The following PLXNA4 variants were observed in gnomAD, a reference collection of about 807,000 sequenced individuals.
PLXNA4 encodes plexin A4.
PLXNA4 carries 44 observed loss-of-function variants against 191.8 expected under a neutral mutation model. That is an observed-to-expected ratio of 0.23 (90% CI 0.18 to 0.29). PLXNA4 has a LOEUF of 0.29. PLXNA4 is among the 10% of genes least tolerant of loss of function. The pLI, the probability that PLXNA4 is intolerant of heterozygous loss-of-function variation, is 1.00. For missense variants in PLXNA4, 1,800 were observed against 2,488.8 expected (o/e 0.72, Z 5.89); for synonymous variants, 1,082 against 1,009.5 (o/e 1.07, Z -1.36).
At chr7:132,326,171 T>C (rs1802349801) in intron 3 of PLXNA4, among the ~76,000 whole-genome samples, 1 of 152,134 alleles carries the variant, frequency 6.6e-6, no homozygotes, top group African/African-American at 2.4e-5. Context: ...GAATTCCCTG[T>C]CTCTGCCTGC....
At chr7:132,254,837 A>C (rs1362752682) in intron 4 of PLXNA4, among the ~76,000 whole-genome samples, 2 of 152,166 alleles carry the variant, frequency 1.3e-5, no homozygotes, top group African/African-American at 2.4e-5. Context: ...ATATCCGACT[A>C]AGGCTCAGAA....
At chr7:132,640,227 T>C (rs767695213) in intron 2 of PLXNA4, among the ~76,000 whole-genome samples, 1 of 152,136 alleles carries the variant, frequency 6.6e-6, no homozygotes, top group South Asian at 2.1e-4. Context: ...GGTGCTGGGG[T>C]ACACAGTGAC....
intron 14 of PLXNA4, among the ~76,000 whole-genome samples, chr7:132,189,754 G>A (rs1797030463): frequency 6.6e-6 from 1 of 152,102 alleles, no homozygotes; most frequent in African/African-American, 2.4e-5. Context: ...TGGGGGTTCT[G>A]TCCCTTCTCA....
At chr7:132,576,684 C>A (rs1261487492), upstream of PLXNA4, 2 of 797,000 alleles carry the variant, frequency 2.5e-6, no homozygotes, top group East Asian at 1.3e-4. This position sits in a 1 kb window ranked among gnomAD's most constrained non-coding sequence, Gnocchi z 5.8. Context: ...TAATGTCCAA[C>A]AAAAAGGTCG....
At chr7:132,635,365 T>A (rs534366215) in intron 2 of PLXNA4, among the ~76,000 whole-genome samples, 2 of 151,982 alleles carry the variant, frequency 1.3e-5, no homozygotes, top group Non-Finnish European at 1.5e-5. Flanking sequence ...AGAACTTGAA[T>A]AGATTTTTTG....
intron 2 of PLXNA4, among the ~76,000 whole-genome samples, chr7:132,605,712 G>T (rs1802910560): frequency 6.8e-6 from 1 of 147,328 alleles, no homozygotes; most frequent in South Asian, 2.2e-4. Flanking sequence ...ATTTGGAAAT[G>T]AGGCTTTGCA....
chr7:132,356,829 T>A, intron 3 of PLXNA4, among the ~76,000 whole-genome samples: 1 of 152,196 alleles, frequency 6.6e-6, no homozygotes, highest in South Asian at 2.1e-4. Context: ...TAAGAGCTAT[T>A]CCTCTCCATG....
intron 9 of PLXNA4, among the ~76,000 whole-genome samples, chr7:132,217,441 C>T (rs1313189741): frequency 6.6e-6 from 1 of 152,054 alleles, no homozygotes; most frequent in Non-Finnish European, 1.5e-5. Flanking sequence ...GGCTTTAATT[C>T]TCCTATTGTT....
chr7:132,472,755 C>T (rs1487505453), intron 3 of PLXNA4, among the ~76,000 whole-genome samples: 2 of 152,152 alleles, frequency 1.3e-5, no homozygotes, highest in Non-Finnish European at 2.9e-5. Flanking sequence ...GGCACAGGGC[C>T]CCTCTCTCAG....
intron 3 of PLXNA4, among the ~76,000 whole-genome samples, chr7:132,358,267 A>C (rs754929227): frequency 9.2e-5 from 14 of 152,252 alleles, no homozygotes; most frequent in Non-Finnish European, 1.3e-4. Context: ...AGCATGTGTG[A>C]CTCAGGTTTC....
At chr7:132,563,933 CGT>C (rs1491495779) in intron 1 of PLXNA4, among the ~76,000 whole-genome samples, 4 of 113,634 alleles carry the variant, frequency 3.5e-5, no homozygotes, top group Admixed American at 1.7e-4. Context: ...TCCTTTTCCT[CGT>C]CCTCCTCCTC....
intron 10 of PLXNA4, among the ~76,000 whole-genome samples, chr7:132,207,977 T>G (rs913791563): frequency 1.3e-5 from 2 of 152,242 alleles, no homozygotes; most frequent in Non-Finnish European, 2.9e-5. Flanking sequence ...AGATGGTCAC[T>G]TGCCCTCTCT....
At chr7:132,243,294 T>A (rs992573736) in intron 4 of PLXNA4, among the ~76,000 whole-genome samples, 1 of 152,194 alleles carries the variant, frequency 6.6e-6, no homozygotes, top group African/African-American at 2.4e-5. Flanking sequence ...ATATTTTGCA[T>A]AGGCTTAAAC....
At chr7:132,437,273 T>C (rs1037750821) in intron 3 of PLXNA4, among the ~76,000 whole-genome samples, 2 of 152,176 alleles carry the variant, frequency 1.3e-5, no homozygotes, top group South Asian at 4.1e-4. Context: ...CATAGGAAGA[T>C]CCTGAAAAGT....
chr7:132,234,056 A>G (rs569023764), intron 5 of PLXNA4, among the ~76,000 whole-genome samples: 9 of 152,228 alleles, frequency 5.9e-5, no homozygotes, highest in Middle Eastern at 3.4e-3. Flanking sequence ...GTTAGGAAAG[A>G]ACAGGTGTGG....
intron 3 of PLXNA4, among the ~76,000 whole-genome samples, chr7:132,432,992 A>C (rs1294675215): frequency 6.6e-6 from 1 of 152,194 alleles, no homozygotes; most frequent in African/African-American, 2.4e-5. Flanking sequence ...GTTTCTCATT[A>C]TACTTACATT....
chr7:132,558,268 C>A (rs1401730891), intron 1 of PLXNA4, among the ~76,000 whole-genome samples: 3 of 152,152 alleles, frequency 2.0e-5, no homozygotes, highest in Non-Finnish European at 4.4e-5. Context: ...GGTGAAAATG[C>A]CATTCTTTCA....
At chr7:132,470,577 G>A (rs1399211638) in intron 3 of PLXNA4, among the ~76,000 whole-genome samples, 2 of 152,182 alleles carry the variant, frequency 1.3e-5, no homozygotes, top group Non-Finnish European at 2.9e-5. Context: ...TGGCAAAAGG[G>A]ACTTGGAAGA....
chr7:132,172,609 T>G (rs1357558472), intron 21 of PLXNA4, among the ~76,000 whole-genome samples: 2 of 151,910 alleles, frequency 1.3e-5, no homozygotes, highest in African/African-American at 4.8e-5. Context: ...AGAAAAACAG[T>G]GATCCACACA....
Sources: gnomAD v4.1 joint callset for allele counts (sites outside exome capture counted in the v4.1 genomes callset) on GRCh38, gnomAD v4.1.1 for gene constraint, Gnocchi (gnomAD v3.1) non-coding constraint, MANE v1.5 for transcripts, NCBI Gene and HGNC (gene_info 2026-07-23, HGNC 2026-07-21) for gene names.